SORL1: variants seen among roughly 807,000 people sequenced by gnomAD.
SORL1 encodes the protein sortilin-related receptor.
Under a neutral mutation model 273.7 loss-of-function variants are expected in SORL1, and 127 were observed. The ratio of observed to expected loss-of-function variants is 0.46; its 90% CI spans 0.40 to 0.54. The LOEUF is 0.54. Among genes scored for constraint, SORL1 ranks in the 20% least tolerant of loss-of-function variants. The pLI is 0.00. For synonymous variants in SORL1, 1,031 were observed against 1,067.4 expected, an observed-to-expected ratio of 0.97 and a Z score of 0.66; for missense variants, 2,494 against 2,846.1, an observed-to-expected ratio of 0.88 and a Z score of 2.81.
intron 27 of SORL1, 96 bp downstream of exon 27, chr11:121,586,425 G>C (rs2134893741): frequency 1.1e-6 from 1 of 947,880 alleles, no homozygotes; most frequent in Non-Finnish European, 1.7e-6. Flanking sequence ...CTCAGTACCT[G>C]CTTGTGGTTA....
chr11:121,507,123 C>A (rs1861800696), intron 6 of SORL1, among the ~76,000 whole-genome samples: 1 of 152,082 alleles, frequency 6.6e-6, no homozygotes, highest in East Asian at 1.9e-4. Flanking sequence ...ATTATTGTTT[C>A]ATCTTTATAC....
rs1160786218 is a variant in SORL1, at chr11:121,559,506, G to C, written c.2911-13G>C. 1 of 1,611,392 alleles carries C rather than the reference G, an allele frequency of 6.2e-7. No individual in the cohort carries two copies. The highest frequency in any genetic ancestry group is 1.7e-5 in the Admixed American group (1 of 59,338). On this transcript the variant is annotated splice_polypyrimidine_tract_variant and intron_variant, in intron 20 of 47. Coordinates refer to ENST00000260197, the MANE Select transcript of SORL1 (RefSeq NM_003105.6). ...GAAAGAGCTGGACTAATGGGCAAAG[G>C]TTTTCTTTTTAGAATGAAATCTACT...
intron 6 of SORL1, among the ~76,000 whole-genome samples, chr11:121,506,539 T>A (rs1861789960): frequency 6.6e-6 from 1 of 152,188 alleles, no homozygotes; most frequent in Non-Finnish European, 1.5e-5. Flanking sequence ...GTGATAACAC[T>A]ATCATGGAAA....
At chr11:121,465,358 A>G (rs1861066317) in intron 1 of SORL1, among the ~76,000 whole-genome samples, 1 of 152,208 alleles carries the variant, frequency 6.6e-6, no homozygotes, top group African/African-American at 2.4e-5. Flanking sequence ...AGTATATCCT[A>G]GAGTTTTAAT....
Position 121,625,149 on chromosome 11 carries a change from A to T in SORL1, c.6236A>T (p.Asp2079Val). 1 of 1,613,696 alleles carries T rather than the reference A, an allele frequency of 6.2e-7. No homozygotes were observed. The highest frequency in any genetic ancestry group is 8.5e-7 in the Non-Finnish European group (1 of 1,179,600). ...ACAGCTTACCTTGGGAATACTACTG[A>T]CAATTTCTTTAAAATTTCCAACCTG... ...NITAYLGNTT[D>V]NFFKISNLKM... Residue 2079 changes from aspartate (D) to valine (V), a missense_variant, in exon 46 of 48, where the codon GAC (aspartate) becomes GTC (valine). Physicochemically the swap from Asp to Val is radical, Grantham distance 152. Transcript: ENST00000260197.
chr11:121,545,117 T>C lies in SORL1; in HGVS notation c.1865-126T>C, dbSNP rs1033594075. 3.7e-5 allele frequency: 29 copies of C among 783,746 alleles called. No individual in the cohort carries two copies. In the African/African-American group the frequency reaches 4.8e-4, roughly 13 times the overall value. The allele number at this position is 783,746 out of a possible 1,614,324, so 48.5% of individuals were successfully genotyped here. On this transcript the variant is annotated intron_variant, in intron 13 of 47. Transcript: ENST00000260197. ...TTCAAAACAAGCTGATTGGAGGGTC[T>C]GTGTGCTTGCGGGGTGGCAACAGAT... is the stretch of plus-strand genomic sequence containing the variant.
intron 12 of SORL1, among the ~76,000 whole-genome samples, chr11:121,542,891 T>C (rs1055183318): frequency 9.3e-5 from 14 of 150,582 alleles, no homozygotes; most frequent in Admixed American, 8.6e-4. Context: ...AAGAAAAAAA[T>C]TGGGGGCCAG....
chr11:121,459,891 C>T (rs1250170034), intron 1 of SORL1, among the ~76,000 whole-genome samples: 1 of 152,236 alleles, frequency 6.6e-6, no homozygotes, highest in Non-Finnish European at 1.5e-5. Flanking sequence ...ACCTCCCCCA[C>T]TTCTTGGCTG....
intron 6 of SORL1, among the ~76,000 whole-genome samples, chr11:121,497,685 A>G (rs1258827623): frequency 6.6e-6 from 1 of 152,192 alleles, no homozygotes; most frequent in East Asian, 1.9e-4. Flanking sequence ...TTGTCTTGAA[A>G]TTGTATTGAG....
chr11:121,538,437 G>T (rs967383713), intron 12 of SORL1, among the ~76,000 whole-genome samples: 2 of 151,968 alleles, frequency 1.3e-5, no homozygotes, highest in African/African-American at 2.4e-5. Flanking sequence ...TTTGTATTTG[G>T]CTTCTTTTAC....
At position 121,505,053 on chromosome 11, in the gene SORL1, A is replaced by T. The variant is rs140164442; in HGVS notation, c.940-7950A>T. Among the ~76,000 whole-genome samples the T allele has an allele frequency of 4.8e-3, 731 of 152,208 alleles. 5 individuals carry two copies. Among genetic ancestry groups the T allele is most frequent in the African/African-American group, 0.017 (701 of 41,516 alleles). On this transcript the variant is annotated intron_variant, in intron 6 of 47. Coordinates refer to ENST00000260197, the MANE Select transcript of SORL1 (RefSeq NM_003105.6). Reference sequence around the variant, plus strand: ...TGCACATTTTTGGAATGAATCCCACATGCTCTTGGTTTATAATCATTTTTA... The same window carrying T: ...TGCACATTTTTGGAATGAATCCCACTTGCTCTTGGTTTATAATCATTTTTA...
At chr11:121,622,043 T>C (rs1863730757) in intron 44 of SORL1, 119 bp from the exon 45 acceptor site, 3 of 630,326 alleles carry the variant, frequency 4.8e-6, no homozygotes, top group Non-Finnish European at 8.4e-6. Flanking sequence ...ATGTGTTTTA[T>C]TTTTTCTGTA....
At chr11:121,507,552 C>A (rs1178008672) in intron 6 of SORL1, among the ~76,000 whole-genome samples, 2 of 151,922 alleles carry the variant, frequency 1.3e-5, no homozygotes, top group Non-Finnish European at 1.5e-5. Flanking sequence ...TTCTGTTGAA[C>A]CCCTCTACTA....
chr11:121,553,568 C>T (rs1862535514), intron 16 of SORL1, among the ~76,000 whole-genome samples: 3 of 152,106 alleles, frequency 2.0e-5, no homozygotes, highest in African/African-American at 4.8e-5. Context: ...GATACAGTCA[C>T]GTGAGGAGGG....
intron 11 of SORL1, among the ~76,000 whole-genome samples, chr11:121,524,564 G>A (rs1341947962): frequency 2.0e-5 from 3 of 152,218 alleles, no homozygotes; most frequent in Non-Finnish European, 4.4e-5. Flanking sequence ...GGGACAATCT[G>A]GGCTGTGTGC....
chr11:121,567,756 A>G lies in SORL1; in HGVS notation c.3223+643A>G, dbSNP rs984847529. Among the ~76,000 whole-genome samples, 15 of 152,158 alleles carry G rather than the reference A, an allele frequency of 9.9e-5. 1 individual carries two copies. The highest frequency in any genetic ancestry group is 2.6e-4 in the Admixed American group (4 of 15,270). On this transcript the variant is annotated intron_variant, in intron 22 of 47. Coordinates refer to ENST00000260197, the MANE Select transcript of SORL1 (RefSeq NM_003105.6). ...AGTTTTTCCTTCCTGTGTAATTTTT[A>G]CTGTCACCACTTCCCCCGCCTCCAG...
At chr11:121,497,631 G>T (rs977852951) in intron 6 of SORL1, among the ~76,000 whole-genome samples, 1 of 152,208 alleles carries the variant, frequency 6.6e-6, no homozygotes, top group Non-Finnish European at 1.5e-5. Flanking sequence ...TGCCGAAATG[G>T]TGGGCTTGCT....
At chr11:121,593,841 C>T (rs1230422864) in intron 31 of SORL1, among the ~76,000 whole-genome samples, 1 of 152,168 alleles carries the variant, frequency 6.6e-6, no homozygotes, top group Admixed American at 6.5e-5. Context: ...CCTGTTGGAA[C>T]TCCTGTTTTC....
At chr11:121,566,030 A>G (rs1483148155) in intron 21 of SORL1, among the ~76,000 whole-genome samples, 1 of 152,146 alleles carries the variant, frequency 6.6e-6, no homozygotes, top group Non-Finnish European at 1.5e-5. Flanking sequence ...AGGAATTGAG[A>G]AGGGGAGGCC....
Sources: gnomAD v4.1 joint callset for allele counts (sites outside exome capture counted in the v4.1 genomes callset) on GRCh38, gnomAD v4.1.1 for gene constraint, MANE v1.5 for transcripts, NCBI Gene and HGNC (gene_info 2026-07-23, HGNC 2026-07-21) for gene names.